Variants in SYDE2 observed in about 807,000 individuals in gnomAD.
The protein encoded by SYDE2 is synapse defective Rho GTPase homolog 2.
In SYDE2, 76 loss-of-function variants were observed where a neutral mutation model predicts 91.5. The observed-to-expected ratio is 0.83, with a 90% CI of 0.69 to 1.01. The LOEUF (loss-of-function observed/expected upper bound fraction) is 1.01. Ranked by LOEUF, SYDE2 falls within the 50% of genes least tolerant of loss-of-function variation. The probability of loss-of-function intolerance (pLI) is 0.00; values close to 1 mark genes in which losing one functional copy is unlikely to be tolerated. For missense variants in SYDE2, 1,364 were observed against 1,367.7 expected (o/e 1.00, Z 0.04); for synonymous variants, 513 against 506.4 (o/e 1.01, Z -0.18).
intron 3 of SYDE2, 84 bp from the exon 4 acceptor site, chr1:85,178,356 T>A (rs953824193): frequency 1.6e-6 from 2 of 1,236,878 alleles, no homozygotes; most frequent in African/African-American, 3.1e-5. Flanking sequence ...AACTTTGCAA[T>A]CAAATATGTT....
In SYDE2 at chr1:85,200,859, G is replaced by C. The variant is rs1658805596; in HGVS notation, c.138C>G (p.Asp46Glu). The change falls in exon 1 of 7, where the codon GAC (aspartate) becomes GAG (glutamate). Residue 46 changes from aspartate to glutamate, a missense_variant. Coordinates refer to ENST00000341460, the MANE Select transcript of SYDE2 (RefSeq NM_032184.2). Reference sequence around the variant, plus strand: ...GGCGTCCGCCGCCTCCCCGCTCCCCGTCCCGGGGGCAGGCTCGGCGGTACG... The same window carrying C: ...GGCGTCCGCCGCCTCCCCGCTCCCCCTCCCGGGGGCAGGCTCGGCGGTACG... The part of the protein sequence containing the change: ...GAAYRRACPR[D>E]GERGGGGRPR... 7.3e-7 allele frequency: 1 copy of C among 1,371,590 alleles called. No individual in the cohort carries two copies. Among genetic ancestry groups the C allele is most frequent in the African/African-American group, 1.5e-5 (1 of 65,180 alleles). The allele number at this position is 1,371,590 out of a possible 1,614,324, so 85.0% of individuals were successfully genotyped here.
intron 4 of SYDE2, among the ~76,000 whole-genome samples, chr1:85,170,132 T>TTA (rs1553170838): frequency 6.6e-6 from 1 of 150,704 alleles, no homozygotes; most frequent in African/African-American, 2.4e-5. Context: ...TTTTTTTTTT[T>TTA]AATTGTGACA....
intron 6 of SYDE2, among the ~76,000 whole-genome samples, chr1:85,161,725 CAAAA>C (rs60732181): frequency 6.0e-5 from 5 of 83,358 alleles, no homozygotes; most frequent in Admixed American, 1.4e-4. Flanking sequence ...GACTCCATCT[CAAAA>C]AAAAAAAAAA....
intron 1 of SYDE2, among the ~76,000 whole-genome samples, chr1:85,197,495 T>C (rs1215782607): frequency 6.6e-6 from 1 of 152,148 alleles, no homozygotes; most frequent in Non-Finnish European, 1.5e-5. Context: ...CATCTTTACA[T>C]AAACAAGAAT....
intron 5 of SYDE2, among the ~76,000 whole-genome samples, chr1:85,166,611 A>G (rs1413140878): frequency 2.0e-5 from 3 of 151,766 alleles, no homozygotes; most frequent in Admixed American, 6.5e-5. Context: ...ATGTTTGGCT[A>G]TGAAGGGAAG....
chr1:85,173,069 A>C (rs1393718845), intron 4 of SYDE2, among the ~76,000 whole-genome samples: 3 of 152,132 alleles, frequency 2.0e-5, no homozygotes, highest in African/African-American at 7.2e-5. Flanking sequence ...ACCAAAAATA[A>C]AACATGTTGA....
chr1:85,163,442 AATCTATATAT>A lies in SYDE2; in HGVS notation c.3085+1074_3085+1083del, dbSNP rs1181884987. On this transcript the variant is annotated intron_variant, in intron 6 of 6. Transcript: ENST00000341460. ...GAAATCAAGCATTCTCTTGTACTTT[AATCTATATAT>A]ATATATATATATATATATATATATA... Among the ~76,000 whole-genome samples the A allele has an allele frequency of 2.5e-3, 128 of 50,762 alleles. 2 individuals are homozygous for A. The highest frequency in any genetic ancestry group is 6.4e-3 in the African/African-American group (123 of 19,330). The allele number at this position is 50,762 out of a possible 152,430, so 33.3% of individuals were successfully genotyped here.
chr1:85,179,176 G>C (rs750903506), intron 3 of SYDE2, among the ~76,000 whole-genome samples: 26 of 152,132 alleles, frequency 1.7e-4, no homozygotes, highest in Non-Finnish European at 3.2e-4. Context: ...TATTTAGAAA[G>C]CTCAGTCACT....
In SYDE2 at chr1:85,178,253, A is replaced by G. The variant is rs896565159; in HGVS notation, c.2564T>C (p.Leu855Ser). The change falls in exon 4 of 7, where the codon TTA becomes TCA. Residue 855 changes from leucine to serine, a missense_variant. By Grantham distance (145) the Leu-to-Ser change is moderately radical. Transcript: ENST00000341460. ...TTTCTTGACTGCTGCCGAACCACAT[A>G]ATCGATACAGGCCTACTACCTAGGA... is the stretch of plus-strand genomic sequence containing the variant. Reference protein sequence around the residue: ...RGCQVVGLYRLCGSAAVKKEL... With the variant: ...RGCQVVGLYRSCGSAAVKKEL... 18 of 1,578,238 alleles carry G rather than the reference A, an allele frequency of 1.1e-5. No individual in the cohort carries two copies. Among genetic ancestry groups the G allele is most frequent in the Middle Eastern group, 1.7e-4 (1 of 6,014 alleles).
chr1:85,175,958 ACT>A (rs776553825), intron 4 of SYDE2, among the ~76,000 whole-genome samples: 57 of 152,214 alleles, frequency 3.7e-4, no homozygotes, highest in Non-Finnish European at 7.2e-4. Context: ...AATTACAGAA[ACT>A]CTCAATTTTA....
chr1:85,167,817 TATA>T (rs1381526114), intron 5 of SYDE2, among the ~76,000 whole-genome samples: 2 of 152,186 alleles, frequency 1.3e-5, no homozygotes, highest in African/African-American at 4.8e-5. Context: ...AAGTGGCACT[TATA>T]ATTTTACCTA....
chr1:85,190,344 C>T lies in SYDE2; in HGVS notation c.1154G>A (p.Ser385Asn), dbSNP rs2100686460. The T allele has an allele frequency of 6.2e-7, 1 of 1,613,964 alleles. No individual in the cohort carries two copies. Among genetic ancestry groups the T allele is most frequent in the Non-Finnish European group, 8.5e-7 (1 of 1,179,868 alleles). ...IPEDDDLGIS[S>N]ALSFGEADSA... is the part of the protein sequence containing the mutation. ...GTCGGCCTCACCAAAACTCAAGGCA[C>T]TTGATATACCAAGGTCATCATCCTC... The change falls in exon 2 of 7, where the codon AGT (serine) becomes AAT (asparagine). Residue 385 changes from serine (S) to asparagine (N), a missense_variant. Coordinates refer to ENST00000341460, the MANE Select transcript of SYDE2 (RefSeq NM_032184.2).
intron 6 of SYDE2, 106 bp downstream of exon 6, chr1:85,164,420 C>G: frequency 1.2e-6 from 1 of 869,104 alleles, no homozygotes; most frequent in African/African-American, 1.8e-5. Context: ...TTTGAAAAAG[C>G]AAAATCTAGA....
chr1:85,185,395 TA>T lies in SYDE2; in HGVS notation c.1442-2196del, dbSNP rs36024913. Among the ~76,000 whole-genome samples, 744 of 148,186 alleles carry T rather than the reference TA, an allele frequency of 5.0e-3. 2 individuals are homozygous for T. Among genetic ancestry groups the T allele is most frequent in the Middle Eastern group, 0.031 (9 of 290 alleles). Reference sequence around the variant, plus strand: ...CAGGTTCACAATTTGCCACAAACATTAAAAAAAAAAGTTTACGATATTGATT... The same window carrying T: ...CAGGTTCACAATTTGCCACAAACATTAAAAAAAAAGTTTACGATATTGATT... On this transcript the variant is annotated intron_variant, in intron 2 of 6. Transcript: ENST00000341460.
At position 85,200,681 on chromosome 1, in the gene SYDE2, T is replaced by TG; in HGVS notation, c.315dup (p.Ser106GlnfsTer128). Reference sequence around the variant, plus strand: ...CGGTGCGCGCCGCACCTGATCCAGCTGTCGCTCGGCCACCGCTGGAAGGGA... The same window carrying TG: ...CGGTGCGCGCCGCACCTGATCCAGCTGGTCGCTCGGCCACCGCTGGAAGGGA... On this transcript the variant is annotated frameshift_variant, in exon 1 of 7. Coordinates refer to ENST00000341460, the MANE Select transcript of SYDE2 (RefSeq NM_032184.2). LOFTEE classifies it high-confidence loss of function. 6.5e-7 allele frequency: 1 copy of TG among 1,537,296 alleles called. No homozygotes were observed. Among genetic ancestry groups the TG allele is most frequent in the Non-Finnish European group, 8.7e-7 (1 of 1,147,008 alleles).
At chr1:85,160,377 A>C (rs989985713) in intron 6 of SYDE2, 2 of 867,992 alleles carry the variant, frequency 2.3e-6, no homozygotes, top group Non-Finnish European at 2.8e-6. Context: ...ATTTTATTGA[A>C]ATATTTGATA....
chr1:85,172,314 T>A (rs1485178739), intron 4 of SYDE2, among the ~76,000 whole-genome samples: 1 of 151,498 alleles, frequency 6.6e-6, no homozygotes, highest in East Asian at 1.9e-4. Context: ...TTGAGGGGAG[T>A]GAGAAGATAT....
rs747258002 is a variant in SYDE2 at position 85,178,181 on chromosome 1, CA to C, written c.2635del (p.Cys879ValfsTer8). 6.3e-7 allele frequency: 1 copy of C among 1,583,816 alleles called. No individual in the cohort carries two copies. Among genetic ancestry groups the C allele is most frequent in the East Asian group, 2.3e-5 (1 of 43,672 alleles). ...FERDSKAVGL[C>X]ENQYPDINVI... ...ATTTATATCTGGGTACTGGTTTTCA[CA>C]CAGACCAACAGCTTTGCTATCTCTC... On this transcript the variant is annotated frameshift_variant, in exon 4 of 7. Transcript: ENST00000341460. LOFTEE classifies it high-confidence loss of function.
intron 6 of SYDE2, among the ~76,000 whole-genome samples, chr1:85,164,304 C>T (rs1210775731): frequency 1.3e-5 from 2 of 152,002 alleles, no homozygotes; most frequent in Non-Finnish European, 2.9e-5. Context: ...TAGATCTGAC[C>T]AAGTCTAACA....
Sources: allele counts gnomAD v4.1 joint callset (sites outside exome capture counted in the v4.1 genomes callset), GRCh38; gene constraint gnomAD v4.1.1; transcripts MANE v1.5; gene names NCBI Gene and HGNC (gene_info 2026-07-23, HGNC 2026-07-21).